The following COL4A4 variants were observed in gnomAD, a reference collection of about 807,000 sequenced individuals.
COL4A4 encodes the protein collagen alpha-4(IV) chain.
COL4A4 carries 105 observed loss-of-function variants against 192.9 expected under a neutral mutation model. The observed-to-expected ratio is 0.54, with a 90% CI of 0.46 to 0.64. The LOEUF is 0.64. Ranked by LOEUF, COL4A4 falls within the 30% of genes least tolerant of loss-of-function variation. COL4A4 has a pLI of 0.00. For missense variants in COL4A4, 1,967 were observed against 2,169.3 expected, an observed-to-expected ratio of 0.91 and a Z score of 1.85; for synonymous variants, 762 against 769.9, an observed-to-expected ratio of 0.99 and a Z score of 0.17.
chr2:227,112,243 A>G (rs2061252855), intron 8 of COL4A4, among the ~76,000 whole-genome samples: 1 of 151,624 alleles, frequency 6.6e-6, no homozygotes, highest in Non-Finnish European at 1.5e-5. Flanking sequence ...AATGTAAAAT[A>G]TATGTAAGTT....
chr2:227,000,047 G>C (rs1960533267), downstream of COL4A4, among the ~76,000 whole-genome samples: 2 of 152,180 alleles, frequency 1.3e-5, no homozygotes, highest in African/African-American at 4.8e-5. Flanking sequence ...GTTATTGCCT[G>C]CCTCTGACCT....
At chr2:226,988,714 A>G in the COL4A4 span, 1 of 943,420 alleles carries the variant, frequency 1.1e-6, no homozygotes, top group African/African-American at 1.8e-5. Flanking sequence ...GACCTCATAT[A>G]CATAGATATA....
chr2:227,026,130 C>T (rs1003698449), intron 42 of COL4A4, among the ~76,000 whole-genome samples: 5 of 152,068 alleles, frequency 3.3e-5, no homozygotes, highest in African/African-American at 1.2e-4. Flanking sequence ...GGAATTCTAT[C>T]CATTTAAAAG....
intron 4 of COL4A4, among the ~76,000 whole-genome samples, chr2:227,133,603 T>TACTCAAGGCCAGGCGTGGTG (rs1201699040): frequency 1.3e-5 from 2 of 152,034 alleles, no homozygotes; most frequent in African/African-American, 4.8e-5. Flanking sequence ...CAGAAATCCT[T>TACTCAAGGCCAGGCGTGGTG]ACTCAAGGCC....
the COL4A4 span, among the ~76,000 whole-genome samples, chr2:226,969,414 T>TTTTA: frequency 1.3e-5 from 2 of 150,654 alleles, no homozygotes; most frequent in Non-Finnish European, 3.0e-5. Context: ...TTTTTTTTTT[T>TTTTA]AAGGAAGTAG....
intron 37 of COL4A4, among the ~76,000 whole-genome samples, chr2:227,035,888 G>A (rs944822969): frequency 3.9e-5 from 6 of 152,142 alleles, no homozygotes; most frequent in Non-Finnish European, 7.3e-5. Context: ...GGTTGTCACG[G>A]TCCCAGCCTC....
At chr2:226,999,653 CTAATA>C (rs778378001), downstream of COL4A4, among the ~76,000 whole-genome samples, 56 of 152,266 alleles carry the variant, frequency 3.7e-4, no homozygotes, top group South Asian at 1.2e-3. Flanking sequence ...TAAAATGTTG[CTAATA>C]TAATAGAAAT....
Position 227,010,355 on chromosome 2 carries a change from A to G in COL4A4, c.4480T>C (p.Leu1494=), listed in dbSNP as rs535070702. 1 of 1,614,234 alleles carries G rather than the reference A, an allele frequency of 6.2e-7. No homozygotes were observed. The highest frequency in any genetic ancestry group is 1.1e-5 in the South Asian group (1 of 91,088). The change falls in exon 46 of 48, where the codon TTA becomes CTA. Residue 1494 remains leucine, a synonymous_variant. Transcript: ENST00000396625. ...GCTTTCTCTTGCCCTTCCAGGTATA[A>G]CAGACTATACCCAGTCCAGAGCCTG... ...MPRLWTGYSL[L]YLEGQEKAHN... is the part of the protein sequence containing the mutation.
At position 227,103,826 on chromosome 2, in the gene COL4A4, C is replaced by CATTGAAAATG. The variant is rs1481946968; in HGVS notation, c.816+145_816+146insCATTTTCAAT. The CATTGAAAATG allele has an allele frequency of 7.9e-5, 56 of 707,686 alleles. No homozygotes were observed. The East Asian group carries it at 1.2e-3, about 16-fold the overall frequency. The allele number at this position is 707,686 out of a possible 1,614,324, so 43.8% of individuals were successfully genotyped here. ...TCATTTTCAATGCCGCACGATGGGG[C>CATTGAAAATG]CAACAGTAGTACCAACTTATTAAAG... is the stretch of plus-strand genomic sequence containing the variant. On this transcript the variant is annotated intron_variant, in intron 13 of 47. Transcript: ENST00000396625.
At chr2:227,104,647 T>G (rs1274588659) in intron 12 of COL4A4, among the ~76,000 whole-genome samples, 4 of 149,176 alleles carry the variant, frequency 2.7e-5, no homozygotes, top group Non-Finnish European at 6.0e-5. Context: ...ACTTTTTTTT[T>G]TTTTTTTTTT....
chr2:227,127,112 C>G (rs1031119377), intron 4 of COL4A4, among the ~76,000 whole-genome samples: 1 of 152,244 alleles, frequency 6.6e-6, no homozygotes, highest in Admixed American at 6.5e-5. Flanking sequence ...CAGAGTCAGT[C>G]TAGCAAAAAG....
At chr2:227,089,375 G>A (rs1217066281) in intron 21 of COL4A4, among the ~76,000 whole-genome samples, 4 of 151,776 alleles carry the variant, frequency 2.6e-5, no homozygotes, top group African/African-American at 7.3e-5. Flanking sequence ...CTGTGTTGAT[G>A]CTGTCACACC....
chr2:227,075,724 G>T (rs2150445535), intron 25 of COL4A4, among the ~76,000 whole-genome samples: 1 of 152,214 alleles, frequency 6.6e-6, no homozygotes, highest in African/African-American at 2.4e-5. Context: ...TGACATGATT[G>T]TATATTTAGA....
chr2:226,976,955 A>G, the COL4A4 span, among the ~76,000 whole-genome samples: 3 of 152,160 alleles, frequency 2.0e-5, no homozygotes, highest in Non-Finnish European at 2.9e-5. Flanking sequence ...AGAGGCCCCA[A>G]ACAAACAGGG....
intron 24 of COL4A4, among the ~76,000 whole-genome samples, chr2:227,080,153 T>C (rs959032730): frequency 2.6e-5 from 4 of 152,114 alleles, no homozygotes; most frequent in Non-Finnish European, 5.9e-5. Flanking sequence ...GGGGCCCTTC[T>C]AGGATACAAG....
At chr2:227,051,578 T>G (rs1974101795) in intron 32 of COL4A4, among the ~76,000 whole-genome samples, 1 of 151,116 alleles carries the variant, frequency 6.6e-6, no homozygotes, top group Admixed American at 6.6e-5. Flanking sequence ...ACCATTAGCA[T>G]GGGCATTGGG....
chr2:227,129,610 T>C (rs770147319), intron 4 of COL4A4, among the ~76,000 whole-genome samples: 3 of 152,124 alleles, frequency 2.0e-5, no homozygotes, highest in Non-Finnish European at 4.4e-5. Context: ...CGTTTTGCCA[T>C]GTTGGCCAGG....
chr2:227,098,660 C>T (rs1291945471), intron 19 of COL4A4, 34 bp downstream of exon 19: 18 of 1,539,666 alleles, frequency 1.2e-5, no homozygotes, highest in Non-Finnish European at 1.4e-5. Flanking sequence ...GAAATCTGAC[C>T]TGTAAAAGCC....
downstream of COL4A4, chr2:226,998,080 CTGTT>C (rs1559376689): frequency 6.6e-6 from 1 of 152,196 alleles, no homozygotes; most frequent in Non-Finnish European, 1.5e-5. Flanking sequence ...CCCTGATTGT[CTGTT>C]AAGCCCCTGG....
Sources: allele counts gnomAD v4.1 joint callset (sites outside exome capture counted in the v4.1 genomes callset), GRCh38; gene constraint gnomAD v4.1.1; transcripts MANE v1.5; gene names NCBI Gene and HGNC (gene_info 2026-07-23, HGNC 2026-07-21).